Variants in GRM7 observed in about 807,000 individuals in gnomAD.
GRM7 encodes the protein metabotropic glutamate receptor 7.
GRM7 carries 35 observed loss-of-function variants against 84.5 expected under a neutral mutation model. That is an observed-to-expected ratio of 0.41 (90% CI 0.32 to 0.55). The LOEUF is 0.55. Ranked by LOEUF, GRM7 falls within the 20% of genes least tolerant of loss-of-function variation. The probability of loss-of-function intolerance (pLI) is 0.19; values close to 1 mark genes in which losing one functional copy is unlikely to be tolerated. For missense variants in GRM7, 1,003 were observed against 1,194.6 expected, an observed-to-expected ratio of 0.84 and a Z score of 2.36; for synonymous variants, 487 against 455.1, an observed-to-expected ratio of 1.07 and a Z score of -0.89.
At position 7,349,550 on chromosome 3, in the gene GRM7, G is replaced by A. The variant is rs139424464; in HGVS notation, c.1033+42898G>A. 9.9e-3 allele frequency among the ~76,000 whole-genome samples: 1,504 copies of A among 152,214 alleles called. 18 individuals carry two copies. Among genetic ancestry groups the A allele is most frequent in the African/African-American group, 0.034 (1,420 of 41,548 alleles). ...ACTTGTGGTGTCGAAGTAGATAAAG[G>A]GCAACATCCCTGGGTGTCCTAGTCG... On this transcript the variant is annotated intron_variant, in intron 4 of 9. Transcript: ENST00000357716.
At chr3:7,421,815 C>G (rs78999025) in intron 5 of GRM7, among the ~76,000 whole-genome samples, 1 of 146,590 alleles carries the variant, frequency 6.8e-6, no homozygotes, top group African/African-American at 2.5e-5. Flanking sequence ...TTTTTGTTTT[C>G]GTTTTTGTTT....
intron 3 of GRM7, among the ~76,000 whole-genome samples, chr3:7,302,931 A>ATTTTTTTTTTTTTTTTTTTTTTTT (rs761399796): frequency 4.1e-5 from 5 of 121,942 alleles, no homozygotes; most frequent in African/African-American, 1.1e-4. Flanking sequence ...TGATTGTTCT[A>ATTTTTTTTTTTTTTTTTTTTTTTT]TTTTTTTTTT....
intron 1 of GRM7, among the ~76,000 whole-genome samples, chr3:6,924,346 C>G (rs1697227292): frequency 6.6e-6 from 1 of 152,126 alleles, no homozygotes; most frequent in African/African-American, 2.4e-5. Flanking sequence ...GCATTTTGAC[C>G]TTTCATCAGG....
At chr3:6,909,995 T>G (rs977573556) in intron 1 of GRM7, among the ~76,000 whole-genome samples, 1 of 152,102 alleles carries the variant, frequency 6.6e-6, no homozygotes, top group Non-Finnish European at 1.5e-5. Flanking sequence ...TATATAAAAA[T>G]TCTATATTAA....
At chr3:7,199,879 CCTT>C (rs2125112575) in intron 2 of GRM7, among the ~76,000 whole-genome samples, 1 of 152,274 alleles carries the variant, frequency 6.6e-6, no homozygotes, top group Non-Finnish European at 1.5e-5. Flanking sequence ...TCATGCCAGA[CCTT>C]CTGTCTTGGT....
chr3:7,175,271 T>C (rs188637329), intron 2 of GRM7, among the ~76,000 whole-genome samples: 8 of 152,340 alleles, frequency 5.3e-5, no homozygotes, highest in Admixed American at 1.3e-4. Context: ...GCAAATACCA[T>C]AGTCTCCATC....
chr3:6,893,093 A>T (rs1228906305), intron 1 of GRM7: 1 of 152,146 alleles, frequency 6.6e-6, no homozygotes, highest in Non-Finnish European at 1.5e-5. Flanking sequence ...TTTAATCTCC[A>T]CTATGACCTA....
At chr3:7,144,426 A>G (rs1694044893) in intron 1 of GRM7, among the ~76,000 whole-genome samples, 1 of 152,214 alleles carries the variant, frequency 6.6e-6, no homozygotes, top group African/African-American at 2.4e-5. Context: ...AACAGTACAT[A>G]TTACTTTGAA....
At chr3:7,437,665 G>T (rs1018204367) in intron 5 of GRM7, among the ~76,000 whole-genome samples, 1 of 151,522 alleles carries the variant, frequency 6.6e-6, no homozygotes, top group Non-Finnish European at 1.5e-5. Flanking sequence ...GCTGATTCAC[G>T]TCTGCCTGGT....
chr3:7,223,152 T>A (rs1423110054), intron 2 of GRM7, among the ~76,000 whole-genome samples: 1 of 152,196 alleles, frequency 6.6e-6, no homozygotes, highest in Non-Finnish European at 1.5e-5. Flanking sequence ...TTTAGTAAGA[T>A]CTTTGCATCA....
chr3:7,675,151 T>A (rs1449762278), intron 8 of GRM7, among the ~76,000 whole-genome samples: 2 of 152,262 alleles, frequency 1.3e-5, no homozygotes, highest in Admixed American at 1.3e-4. Flanking sequence ...AGTAATAAGA[T>A]GATTTCTCAA....
chr3:7,346,280 T>C (rs1416424651), intron 4 of GRM7, among the ~76,000 whole-genome samples: 1 of 152,150 alleles, frequency 6.6e-6, no homozygotes, highest in Non-Finnish European at 1.5e-5. Context: ...ATTTGATGTG[T>C]TCCAGCATGA....
chr3:7,676,921 A>G (rs934293884), intron 8 of GRM7, among the ~76,000 whole-genome samples: 13 of 152,054 alleles, frequency 8.5e-5, no homozygotes, highest in African/African-American at 2.7e-4. Flanking sequence ...CTAATAATGC[A>G]TTTCTTAGAA....
chr3:7,160,663 TC>T (rs1694595484), intron 2 of GRM7, among the ~76,000 whole-genome samples: 1 of 152,176 alleles, frequency 6.6e-6, no homozygotes, highest in African/African-American at 2.4e-5. Context: ...CTCTTCTTTT[TC>T]CTCACTGTGT....
At chr3:6,926,906 T>C (rs1214255569) in intron 1 of GRM7, among the ~76,000 whole-genome samples, 1 of 152,222 alleles carries the variant, frequency 6.6e-6, no homozygotes, top group Non-Finnish European at 1.5e-5. Context: ...TAATTTATTA[T>C]AATGAAATTC....
At chr3:6,910,956 A>G (rs1696747640) in intron 1 of GRM7, among the ~76,000 whole-genome samples, 1 of 152,150 alleles carries the variant, frequency 6.6e-6, no homozygotes. Flanking sequence ...CAGTACAAAT[A>G]TTTGTATCTA....
intron 2 of GRM7, among the ~76,000 whole-genome samples, chr3:7,164,429 C>G (rs532561786): frequency 1.3e-5 from 2 of 152,304 alleles, no homozygotes; most frequent in South Asian, 4.1e-4. Context: ...TGGACACTTG[C>G]ATTGGTGAAG....
intron 2 of GRM7, among the ~76,000 whole-genome samples, chr3:7,232,716 A>G (rs976907814): frequency 2.0e-5 from 3 of 152,192 alleles, no homozygotes; most frequent in Non-Finnish European, 4.4e-5. Context: ...TATTGATTCA[A>G]TAGCCTGATT....
chr3:7,067,341 T>C (rs901119516), intron 1 of GRM7, among the ~76,000 whole-genome samples: 1 of 151,936 alleles, frequency 6.6e-6, no homozygotes, highest in Non-Finnish European at 1.5e-5. Context: ...ACAAGATTAA[T>C]GTACACAAAT....
Sources: gnomAD v4.1 joint callset for allele counts (sites outside exome capture counted in the v4.1 genomes callset) on GRCh38, gnomAD v4.1.1 for gene constraint, MANE v1.5 for transcripts, NCBI Gene and HGNC (gene_info 2026-07-23, HGNC 2026-07-21) for gene names.